Variants in CCDC178 observed in about 807,000 individuals in gnomAD.
CCDC178 encodes coiled-coil domain containing 178.
A neutral mutation model predicts 117.4 loss-of-function variants in CCDC178; 126 were observed. That is an observed-to-expected ratio of 1.07 (90% confidence interval 0.93 to 1.24). CCDC178 has a LOEUF of 1.24. CCDC178 is among the 50% of genes most tolerant of loss of function. CCDC178 has a pLI of 0.00. For synonymous variants in CCDC178, 283 were observed against 313.4 expected (o/e 0.90, Z 1.02); for missense variants, 1,030 against 986.9 (o/e 1.04, Z -0.59).
chr18:33,397,587 AG>A (rs1274650229), intron 3 of CCDC178, among the ~76,000 whole-genome samples: 1 of 152,210 alleles, frequency 6.6e-6, no homozygotes, highest in African/African-American at 2.4e-5. Context: ...AAAATCCAAC[AG>A]TATGGTAAGA....
chr18:33,155,036 T>C (rs973235076), intron 20 of CCDC178, among the ~76,000 whole-genome samples: 16 of 152,258 alleles, frequency 1.1e-4, no homozygotes, highest in Non-Finnish European at 2.1e-4. Context: ...ATTGAGATTA[T>C]AGATTTTGTG....
intron 11 of CCDC178, among the ~76,000 whole-genome samples, chr18:33,298,458 T>A (rs987253272): frequency 1.3e-5 from 2 of 152,098 alleles, no homozygotes; most frequent in African/African-American, 4.8e-5. Context: ...CTTAATAAAT[T>A]AGGTGTAGAA....
At chr18:33,018,529 A>G (rs2056045078) in intron 21 of CCDC178, among the ~76,000 whole-genome samples, 1 of 152,162 alleles carries the variant, frequency 6.6e-6, no homozygotes, top group South Asian at 2.1e-4. Context: ...AATATGGTAT[A>G]GTCATATGAA....
chr18:33,292,021 C>CA (rs554196569), intron 12 of CCDC178, among the ~76,000 whole-genome samples: 85,871 of 141,708 alleles, frequency 0.61, 27,510 homozygotes, highest in Non-Finnish European at 0.71. Flanking sequence ...GGAGATTCCT[C>CA]AAAAAAAAAA....
chr18:33,289,863 G>C (rs868817315), intron 12 of CCDC178, among the ~76,000 whole-genome samples: 26 of 152,070 alleles, frequency 1.7e-4, no homozygotes, highest in Middle Eastern at 3.2e-3. Flanking sequence ...AAACTGTTCA[G>C]GAAAAAGTTA....
chr18:33,438,108 G>A (rs2064317014), intron 2 of CCDC178, among the ~76,000 whole-genome samples: 1 of 152,078 alleles, frequency 6.6e-6, no homozygotes, highest in Non-Finnish European at 1.5e-5. Flanking sequence ...AGTCCAGAAA[G>A]CCAAACCATA....
chr18:33,387,469 G>A (rs1296710713), intron 5 of CCDC178, among the ~76,000 whole-genome samples: 2 of 152,102 alleles, frequency 1.3e-5, no homozygotes, highest in East Asian at 3.9e-4. Context: ...TATACTATAA[G>A]GCTACAGTAA....
intron 20 of CCDC178, among the ~76,000 whole-genome samples, chr18:33,207,768 G>A (rs1452347032): frequency 6.6e-6 from 1 of 152,032 alleles, no homozygotes; most frequent in Non-Finnish European, 1.5e-5. Flanking sequence ...AGTATTAGCA[G>A]TAATTCTGCC....
At chr18:33,426,227 A>C (rs1441156733) in intron 2 of CCDC178, among the ~76,000 whole-genome samples, 1 of 152,208 alleles carries the variant, frequency 6.6e-6, no homozygotes, top group Non-Finnish European at 1.5e-5. Context: ...TTATTCTCTA[A>C]GACCCACTTT....
intron 22 of CCDC178, among the ~76,000 whole-genome samples, chr18:32,957,559 C>A (rs964739732): frequency 1.3e-5 from 2 of 152,128 alleles, no homozygotes; most frequent in African/African-American, 4.8e-5. Flanking sequence ...GGGAGCCTTA[C>A]CTTCATCATT....
intron 15 of CCDC178, among the ~76,000 whole-genome samples, chr18:33,239,037 G>C (rs1372836354): frequency 6.6e-6 from 1 of 151,994 alleles, no homozygotes; most frequent in Non-Finnish European, 1.5e-5. Flanking sequence ...CTATCATTCA[G>C]AAATGAAAAA....
intron 12 of CCDC178, among the ~76,000 whole-genome samples, chr18:33,282,116 G>A (rs1357625776): frequency 1.3e-5 from 2 of 152,144 alleles, no homozygotes; most frequent in Non-Finnish European, 2.9e-5. Flanking sequence ...CATATGGGGG[G>A]CTCATTTTTG....
chr18:33,363,328 G>T (rs567322629), intron 6 of CCDC178, among the ~76,000 whole-genome samples: 19 of 152,082 alleles, frequency 1.2e-4, no homozygotes, highest in Admixed American at 2.6e-4. Context: ...AAAATGCAAA[G>T]AAGCTTCTGA....
chr18:33,216,602 A>C (rs1033558910), intron 18 of CCDC178, among the ~76,000 whole-genome samples: 2 of 151,976 alleles, frequency 1.3e-5, no homozygotes, highest in Admixed American at 1.3e-4. Context: ...TATGCTTCCA[A>C]ATACTTTCTT....
chr18:33,288,595 T>C (rs1235670032), intron 12 of CCDC178, among the ~76,000 whole-genome samples: 1 of 151,702 alleles, frequency 6.6e-6, no homozygotes, highest in Non-Finnish European at 1.5e-5. Context: ...ATGCATCTCC[T>C]GCCCTTAAAA....
chr18:33,178,802 C>T (rs1215094382), intron 20 of CCDC178, among the ~76,000 whole-genome samples: 1 of 151,514 alleles, frequency 6.6e-6, no homozygotes, highest in Non-Finnish European at 1.5e-5. Context: ...AGATCAAAGT[C>T]ATCTTATTGG....
At chr18:32,958,496 G>C (rs1280287318) in intron 22 of CCDC178, among the ~76,000 whole-genome samples, 1 of 152,194 alleles carries the variant, frequency 6.6e-6, no homozygotes. Flanking sequence ...CTGGAGCTGT[G>C]TTGAAATACC....
chr18:33,394,851 T>C (rs2063609560), intron 4 of CCDC178, among the ~76,000 whole-genome samples: 1 of 148,236 alleles, frequency 6.7e-6, no homozygotes, highest in East Asian at 2.0e-4. Context: ...AAAATAATAG[T>C]GTATATAATT....
chr18:33,329,942 G>T (rs1170686528), intron 10 of CCDC178, among the ~76,000 whole-genome samples: 1 of 141,342 alleles, frequency 7.1e-6, no homozygotes, highest in African/African-American at 2.6e-5. Context: ...AATCCACTTG[G>T]TCCTGGGCTT....
Sources: gnomAD v4.1 joint callset for allele counts (sites outside exome capture counted in the v4.1 genomes callset) on GRCh38, gnomAD v4.1.1 for gene constraint, MANE v1.5 for transcripts, NCBI Gene and HGNC (gene_info 2026-07-23, HGNC 2026-07-21) for gene names.